FSTL5: variants seen among roughly 807,000 people sequenced by gnomAD.
FSTL5 encodes the protein follistatin-related protein 5.
Under a neutral mutation model 89.1 loss-of-function variants are expected in FSTL5, and 62 were observed. The ratio of observed to expected loss-of-function variants is 0.70; its 90% CI spans 0.57 to 0.86. FSTL5 has a LOEUF of 0.86. FSTL5 is among the 40% of genes least tolerant of loss of function. The pLI is 0.00. For missense variants in FSTL5, 1,057 were observed against 1,001.6 expected, an observed-to-expected ratio of 1.06 and a Z score of -0.75; for synonymous variants, 383 against 346.2, an observed-to-expected ratio of 1.11 and a Z score of -1.18.
chr4:162,071,494 C>T (rs533918741), intron 2 of FSTL5, among the ~76,000 whole-genome samples: 14 of 151,664 alleles, frequency 9.2e-5, no homozygotes, highest in African/African-American at 2.9e-4. Flanking sequence ...CGACATATAA[C>T]GGAAATGTTA....
intron 8 of FSTL5, among the ~76,000 whole-genome samples, chr4:161,577,007 A>G (rs1216083194): frequency 1.3e-5 from 2 of 152,216 alleles, no homozygotes; most frequent in African/African-American, 2.4e-5. Flanking sequence ...CCAGTCATAT[A>G]AGTTCTTTAA....
At chr4:161,390,091 C>T (rs997613339) in intron 15 of FSTL5, among the ~76,000 whole-genome samples, 1 of 152,098 alleles carries the variant, frequency 6.6e-6, no homozygotes, top group Non-Finnish European at 1.5e-5. Context: ...CACCAAATAT[C>T]TCACATTGTT....
In FSTL5 at chr4:162,111,279, G is replaced by T. The variant is rs141917472; in HGVS notation, c.118C>A (p.Arg40=). 3.7e-5 allele frequency: 60 copies of T among 1,605,420 alleles called. No individual in the cohort carries two copies. The highest frequency in any genetic ancestry group is 1.3e-4 in the African/African-American group (10 of 74,682). Residue 40 remains arginine, a synonymous_variant, in exon 2 of 16, where the codon CGA becomes AGA. Coordinates refer to ENST00000306100, the MANE Select transcript of FSTL5 (RefSeq NM_020116.5). ...LKSYQPLMRL[R]HKQEKNQESS... is the part of the protein sequence containing the mutation. ...CAGAATATTGACTGTACCTTATGTC[G>T]CAATCTCATTAGAGGCTGATAGGAT... is the stretch of plus-strand genomic sequence containing the variant.
chr4:161,610,146 C>G (rs1247733193), intron 7 of FSTL5, among the ~76,000 whole-genome samples: 4 of 151,750 alleles, frequency 2.6e-5, no homozygotes, highest in Non-Finnish European at 5.9e-5. Context: ...ATTATTGAAA[C>G]TCTTCTTGCT....
chr4:161,716,187 A>T (rs1392609479), intron 6 of FSTL5, among the ~76,000 whole-genome samples: 1 of 152,092 alleles, frequency 6.6e-6, no homozygotes, highest in Non-Finnish European at 1.5e-5. Context: ...TCTTCTCTTT[A>T]TCTGATAATG....
intron 3 of FSTL5, among the ~76,000 whole-genome samples, chr4:162,021,511 A>C (rs1737084548): frequency 6.6e-6 from 1 of 152,166 alleles, no homozygotes; most frequent in Non-Finnish European, 1.5e-5. Context: ...ATTTATAAAT[A>C]TTAGCTCTCC....
At chr4:161,974,978 T>G (rs989125864) in intron 3 of FSTL5, among the ~76,000 whole-genome samples, 12 of 142,108 alleles carry the variant, frequency 8.4e-5, no homozygotes, top group South Asian at 4.7e-4. Flanking sequence ...AAGACATTTA[T>G]GCAGCCAAAA....
chr4:161,432,266 C>T (rs1176624439), intron 15 of FSTL5, among the ~76,000 whole-genome samples: 1 of 151,966 alleles, frequency 6.6e-6, no homozygotes, highest in East Asian at 1.9e-4. Flanking sequence ...CTTCTCTGAC[C>T]ACAATGGAAT....
intron 8 of FSTL5, among the ~76,000 whole-genome samples, chr4:161,571,221 G>C (rs1351502862): frequency 6.6e-6 from 1 of 152,118 alleles, no homozygotes; most frequent in East Asian, 1.9e-4. Context: ...TTGCTCTAAT[G>C]GGAGAAAAGC....
chr4:161,740,853 A>G (rs1217050978), intron 6 of FSTL5, among the ~76,000 whole-genome samples: 1 of 152,166 alleles, frequency 6.6e-6, no homozygotes, highest in African/African-American at 2.4e-5. Context: ...TTATTTCCCA[A>G]AGCTCTGGAG....
intron 4 of FSTL5, among the ~76,000 whole-genome samples, chr4:161,843,343 A>G (rs1416961901): frequency 6.6e-6 from 1 of 152,158 alleles, no homozygotes; most frequent in Non-Finnish European, 1.5e-5. Context: ...GAATCTATAA[A>G]TTACTTCGGG....
chr4:161,524,695 C>G (rs928057499), intron 10 of FSTL5, among the ~76,000 whole-genome samples: 3 of 152,148 alleles, frequency 2.0e-5, no homozygotes, highest in Non-Finnish European at 2.9e-5. Context: ...AACGGTGGCT[C>G]ACGCCTGTGA....
chr4:161,690,672 G>T (rs1183701864), intron 6 of FSTL5, among the ~76,000 whole-genome samples: 2 of 152,044 alleles, frequency 1.3e-5, no homozygotes, highest in African/African-American at 2.4e-5. Flanking sequence ...TTTATTTTAA[G>T]TTCAGGGGTA....
chr4:161,888,317 T>C (rs997218171), intron 4 of FSTL5, among the ~76,000 whole-genome samples: 13 of 152,062 alleles, frequency 8.5e-5, no homozygotes, highest in Admixed American at 6.6e-4. Flanking sequence ...ACTTGGTGAA[T>C]GGAGAAGACC....
chr4:161,464,097 C>T (rs1050493067), intron 13 of FSTL5, among the ~76,000 whole-genome samples: 3 of 152,090 alleles, frequency 2.0e-5, no homozygotes, highest in African/African-American at 4.8e-5. Context: ...TACAAAATAC[C>T]GGCTAGGATA....
chr4:161,523,922 C>T (rs1412613905), intron 10 of FSTL5, among the ~76,000 whole-genome samples: 1 of 151,822 alleles, frequency 6.6e-6, no homozygotes, highest in African/African-American at 2.4e-5. Flanking sequence ...AAGGGTAAAC[C>T]AAAAATAAAA....
chr4:161,801,421 G>C (rs549425857), intron 4 of FSTL5, among the ~76,000 whole-genome samples: 2 of 151,406 alleles, frequency 1.3e-5, no homozygotes, highest in Non-Finnish European at 3.0e-5. Context: ...CCTTCATGTG[G>C]TCTGGGATTT....
chr4:162,025,549 G>A (rs1004123640), intron 3 of FSTL5, among the ~76,000 whole-genome samples: 2 of 151,992 alleles, frequency 1.3e-5, no homozygotes, highest in Admixed American at 1.3e-4. Flanking sequence ...ATAGCACAGA[G>A]CACATTTGAG....
intron 6 of FSTL5, among the ~76,000 whole-genome samples, chr4:161,679,029 C>T (rs953000730): frequency 8.6e-5 from 13 of 151,598 alleles, no homozygotes; most frequent in Admixed American, 7.2e-4. Context: ...TAGTATTGAA[C>T]ACTTTAGTAA....
Sources: allele counts gnomAD v4.1 joint callset (sites outside exome capture counted in the v4.1 genomes callset), GRCh38; gene constraint gnomAD v4.1.1; transcripts MANE v1.5; gene names NCBI Gene and HGNC (gene_info 2026-07-23, HGNC 2026-07-21).